Variants in APCDD1L observed in about 807,000 individuals in gnomAD.
APCDD1L encodes the protein protein APCDD1-like.
APCDD1L carries 21 observed loss-of-function variants against 24.2 expected under a neutral mutation model. The observed-to-expected ratio is 0.87, with a 90% CI of 0.61 to 1.25. The LOEUF (loss-of-function observed/expected upper bound fraction) is 1.25, where lower values mean the gene tolerates loss of function less well. Ranked by LOEUF, APCDD1L falls within the 50% of genes most tolerant of loss-of-function variation. APCDD1L has a pLI of 0.00. For missense variants in APCDD1L, 704 were observed against 711.7 expected, an observed-to-expected ratio of 0.99 and a Z score of 0.12; for synonymous variants, 321 against 323.6, an observed-to-expected ratio of 0.99 and a Z score of 0.09.
intron 1 of APCDD1L, among the ~76,000 whole-genome samples, chr20:58,487,099 A>T (rs1990133269): frequency 6.6e-6 from 1 of 152,074 alleles, no homozygotes; most frequent in South Asian, 2.1e-4. Context: ...TTTTAAGAAG[A>T]AATAACAAGC....
In APCDD1L at chr20:58,459,151, G is replaced by T. The variant is rs1273198651; in HGVS notation, c.*1639C>A. 1.3e-5 allele frequency: 2 copies of T among 152,178 alleles called. No individual in the cohort carries two copies. The highest frequency in any genetic ancestry group is 6.5e-5 in the Admixed American group (1 of 15,272). 9.4% of individuals were successfully genotyped at this position (152,178 alleles called of 1,614,324 possible). ...AAAGGTTCAAATTTGATGATAAATGGTGGCATGGTTACTTCAAGCTTCGGA... is the reference window on the plus strand; with the variant it reads ...AAAGGTTCAAATTTGATGATAAATGTTGGCATGGTTACTTCAAGCTTCGGA... On this transcript the variant is annotated 3_prime_UTR_variant, in exon 4 of 4. Transcript: ENST00000371149.
At chr20:58,476,603 A>T (rs903465634) in intron 1 of APCDD1L, among the ~76,000 whole-genome samples, 2 of 152,254 alleles carry the variant, frequency 1.3e-5, no homozygotes, top group Non-Finnish European at 1.5e-5. Context: ...ACATTAATCA[A>T]ATAGACTCAC....
At chr20:58,502,390 C>T (rs566214740) in intron 1 of APCDD1L, among the ~76,000 whole-genome samples, 4 of 152,282 alleles carry the variant, frequency 2.6e-5, no homozygotes, top group East Asian at 3.9e-4. Flanking sequence ...CGTGAGACAC[C>T]GCATCTGGCC....
At chr20:58,484,761 T>C (rs923721133) in intron 1 of APCDD1L, among the ~76,000 whole-genome samples, 2 of 152,230 alleles carry the variant, frequency 1.3e-5, no homozygotes, top group South Asian at 2.1e-4. Flanking sequence ...AAAAACAGGC[T>C]AAACTCTTCA....
intron 1 of APCDD1L, among the ~76,000 whole-genome samples, chr20:58,502,241 C>T (rs1372775934): frequency 1.3e-5 from 2 of 152,182 alleles, no homozygotes; most frequent in Middle Eastern, 3.2e-3. Context: ...GCTAGGATTA[C>T]AGGTGCCCAC....
chr20:58,499,649 G>A (rs1990393957), intron 1 of APCDD1L, among the ~76,000 whole-genome samples: 1 of 152,168 alleles, frequency 6.6e-6, no homozygotes, highest in Non-Finnish European at 1.5e-5. Flanking sequence ...CACGTTCATA[G>A]GAAGGGGCTC....
intron 1 of APCDD1L, among the ~76,000 whole-genome samples, chr20:58,511,528 G>A (rs1990627201): frequency 6.6e-6 from 1 of 152,336 alleles, no homozygotes; most frequent in Middle Eastern, 3.4e-3. Flanking sequence ...GGAAGCTGCT[G>A]TATTTGCCTG....
chr20:58,511,856 C>A (rs1283858227), intron 1 of APCDD1L, among the ~76,000 whole-genome samples: 2 of 151,466 alleles, frequency 1.3e-5, no homozygotes, highest in Non-Finnish European at 2.9e-5. Flanking sequence ...GATAACTTGC[C>A]ATCGCAAAGT....
chr20:58,513,863 A>G, intron 1 of APCDD1L: 1 of 1,302,056 alleles, frequency 7.7e-7, no homozygotes, highest in Non-Finnish European at 1.0e-6. Flanking sequence ...CTTCCCAGCC[A>G]GGTGGTCTAA....
intron 2 of APCDD1L, among the ~76,000 whole-genome samples, chr20:58,468,237 T>C (rs1989753687): frequency 6.6e-6 from 1 of 152,206 alleles, no homozygotes; most frequent in Non-Finnish European, 1.5e-5. Context: ...AAAGTTGCCA[T>C]TGTAGAGCTA....
In APCDD1L at chr20:58,470,688, A is replaced by T. The variant is rs1471377775; in HGVS notation, c.109T>A (p.Cys37Ser). 6.4e-7 allele frequency: 1 copy of T among 1,556,286 alleles called. No individual in the cohort carries two copies. Among genetic ancestry groups the T allele is most frequent in the Non-Finnish European group, 8.7e-7 (1 of 1,150,624 alleles). Residue 37 changes from cysteine (C) to serine (S), a missense_variant, in exon 2 of 4, where the codon TGC becomes AGC. Physicochemically the swap from Cys to Ser is moderately radical, Grantham distance 112 (BLOSUM62 -1). Coordinates refer to ENST00000371149, the MANE Select transcript of APCDD1L (RefSeq NM_153360.3). Reference protein sequence around the residue: ...GGSCLRWEPHCQQPLPDRVPS... With the variant: ...GGSCLRWEPHSQQPLPDRVPS... ...ACTCTATCTGGCAAGGGCTGCTGGC[A>T]GTGGGGTTCCCAGCGCAGGCAGCTG...
chr20:58,494,574 A>G lies in APCDD1L; in HGVS notation c.49+20085T>C, dbSNP rs1311308683. 6.6e-6 allele frequency among the ~76,000 whole-genome samples: 1 copy of G among 152,100 alleles called. No homozygotes were observed. Among genetic ancestry groups the G allele is most frequent in the East Asian group, 1.9e-4 (1 of 5,168 alleles). ...AATCTGGTCTCAAACTCCTGGGCTCAGTGATCCTCTTGCCTCGGCCTCCCA... is the reference window on the plus strand; with the variant it reads ...AATCTGGTCTCAAACTCCTGGGCTCGGTGATCCTCTTGCCTCGGCCTCCCA... On this transcript the variant is annotated intron_variant, in intron 1 of 3. Coordinates refer to ENST00000371149, the MANE Select transcript of APCDD1L (RefSeq NM_153360.3). The surrounding 1 kb of genome is among the most constrained non-coding windows in gnomAD (Gnocchi z 4.8).
chr20:58,475,933 C>T (rs1338144353), intron 1 of APCDD1L, among the ~76,000 whole-genome samples: 3 of 152,154 alleles, frequency 2.0e-5, no homozygotes, highest in Admixed American at 1.3e-4. Context: ...TTTATAAAGG[C>T]ACCAATCCCT....
chr20:58,461,902 C>T lies in APCDD1L; in HGVS notation c.742-348G>A, dbSNP rs1989617744. 1 of 258,052 alleles carries T rather than the reference C, an allele frequency of 3.9e-6. No individual in the cohort carries two copies. Among genetic ancestry groups the T allele is most frequent in the Non-Finnish European group, 7.3e-6 (1 of 136,730 alleles). The allele number at this position is 258,052 out of a possible 1,614,324, so 16.0% of individuals were successfully genotyped here. On this transcript the variant is annotated intron_variant, in intron 3 of 3. Transcript: ENST00000371149. The surrounding 1 kb of genome is among the most constrained non-coding windows in gnomAD (Gnocchi z 6.0). ...TGTAAGGTGGGCCTCAGGGCTGTCACACCACCCTCTTTTATCTTCCTCATT... is the reference window on the plus strand; with the variant it reads ...TGTAAGGTGGGCCTCAGGGCTGTCATACCACCCTCTTTTATCTTCCTCATT...
Position 58,514,908 on chromosome 20 carries a change from A to G in APCDD1L, c.-201T>C. On this transcript the variant is annotated 5_prime_UTR_variant, in exon 1 of 4. Coordinates refer to ENST00000371149, the MANE Select transcript of APCDD1L (RefSeq NM_153360.3). ...TTGATAGTTGTAAGCGGAGCTGCGCACTCATAGGTCCAACTTGCCAGAAGA... is the reference window on the plus strand; with the variant it reads ...TTGATAGTTGTAAGCGGAGCTGCGCGCTCATAGGTCCAACTTGCCAGAAGA... 2 of 334,380 alleles carry G rather than the reference A, an allele frequency of 6.0e-6. No homozygotes were observed. The highest frequency in any genetic ancestry group is 1.0e-5 in the Non-Finnish European group (2 of 199,368). The allele number at this position is 334,380 out of a possible 1,614,324, so 20.7% of individuals were successfully genotyped here. A position where few individuals can be genotyped will look rare whatever the true frequency, so the allele number is the denominator to read the frequency against.
At chr20:58,465,340 G>A (rs1433765675) in intron 3 of APCDD1L, among the ~76,000 whole-genome samples, 1 of 152,084 alleles carries the variant, frequency 6.6e-6, no homozygotes, top group Admixed American at 6.5e-5. Context: ...AGGAGGGGGT[G>A]GGGGAAGGGG....
At chr20:58,468,552 C>T (rs1425752402) in intron 2 of APCDD1L, among the ~76,000 whole-genome samples, 1 of 152,008 alleles carries the variant, frequency 6.6e-6, no homozygotes, top group Non-Finnish European at 1.5e-5. Context: ...AACCAGGTAC[C>T]CTCTTGTACT....
Position 58,467,067 on chromosome 20 carries a change from C to A in APCDD1L, c.741+39G>T. The A allele has an allele frequency of 6.4e-7, 1 of 1,553,324 alleles. No homozygotes were observed. The highest frequency in any genetic ancestry group is 2.4e-5 in the East Asian group (1 of 41,580). On this transcript the variant is annotated intron_variant, in intron 3 of 3. Coordinates refer to ENST00000371149, the MANE Select transcript of APCDD1L (RefSeq NM_153360.3). This position sits in a 1 kb window ranked among gnomAD's most constrained non-coding sequence, Gnocchi z 5.9. Reference sequence around the variant, plus strand: ...GGTTCCGAGCTCGCCTCCCCGAGACCACCACCCCCCTCTCCCACACCCCAA... The same window carrying A: ...GGTTCCGAGCTCGCCTCCCCGAGACAACCACCCCCCTCTCCCACACCCCAA...
chr20:58,514,636 G>A (rs1990703517), intron 1 of APCDD1L, 23 bp downstream of exon 1: 1 of 1,312,634 alleles, frequency 7.6e-7, no homozygotes, highest in African/African-American at 1.5e-5. Flanking sequence ...CCAGTTTGCC[G>A]GGTGGGGGAG....
Sources: allele counts gnomAD v4.1 joint callset (sites outside exome capture counted in the v4.1 genomes callset), GRCh38; gene constraint gnomAD v4.1.1; non-coding constraint Gnocchi (gnomAD v3.1); transcripts MANE v1.5; gene names NCBI Gene and HGNC (gene_info 2026-07-23, HGNC 2026-07-21).